Variants in ACTN4 observed in about 807,000 individuals in gnomAD.
The protein encoded by ACTN4 is alpha-actinin-4.
ACTN4 carries 18 observed loss-of-function variants against 114.2 expected under a neutral mutation model. The observed-to-expected ratio is 0.16, with a 90% CI of 0.11 to 0.23. The LOEUF is 0.23. Among genes scored for constraint, ACTN4 ranks in the 10% least tolerant of loss-of-function variants. The pLI, the probability that ACTN4 is intolerant of heterozygous loss-of-function variation, is 1.00. For missense variants in ACTN4, 722 were observed against 1,262.9 expected (o/e 0.57, Z 6.49); for synonymous variants, 515 against 506.3 (o/e 1.02, Z -0.23).
intron 1 of ACTN4, among the ~76,000 whole-genome samples, chr19:38,659,052 CTTCTT>C (rs1210660969): frequency 4.4e-5 from 4 of 90,634 alleles, no homozygotes; most frequent in East Asian, 3.0e-4. Context: ...ACTTTTTTTT[CTTCTT>C]TTCTTTTCTT....
chr19:38,712,437 G>A (rs1968687268), intron 8 of ACTN4, among the ~76,000 whole-genome samples: 1 of 152,158 alleles, frequency 6.6e-6, no homozygotes, highest in Non-Finnish European at 1.5e-5. Context: ...GATTGTTCTG[G>A]GCGTGAAACG....
At chr19:38,721,911 T>C in intron 12 of ACTN4, 1 of 675,404 alleles carries the variant, frequency 1.5e-6, no homozygotes, top group Non-Finnish European at 2.6e-6. Flanking sequence ...ATTTGGATTC[T>C]CTAGCAGGAG....
At chr19:38,650,712 A>G (rs1735618112) in intron 1 of ACTN4, among the ~76,000 whole-genome samples, 1 of 152,144 alleles carries the variant, frequency 6.6e-6, no homozygotes, top group South Asian at 2.1e-4. Context: ...ACTAAGAAAC[A>G]TCCCTGCACT....
chr19:38,677,899 G>A (rs1967430365), intron 1 of ACTN4, among the ~76,000 whole-genome samples: 1 of 152,052 alleles, frequency 6.6e-6, no homozygotes, highest in Non-Finnish European at 1.5e-5. Context: ...GCTAATTTTT[G>A]TATTTTTGGT....
chr19:38,706,363 C>G (rs1968459481), intron 5 of ACTN4, among the ~76,000 whole-genome samples: 1 of 152,216 alleles, frequency 6.6e-6, no homozygotes, highest in Non-Finnish European at 1.5e-5. Flanking sequence ...AGCCCTCTCG[C>G]CGGCCTAATA....
chr19:38,679,704 A>C (rs1427482331), intron 1 of ACTN4, among the ~76,000 whole-genome samples: 2 of 151,902 alleles, frequency 1.3e-5, no homozygotes, highest in Non-Finnish European at 2.9e-5. Flanking sequence ...TTTGTTGCCC[A>C]GGCTGGTCTC....
chr19:38,693,931 A>G (rs1438682430), intron 1 of ACTN4, among the ~76,000 whole-genome samples: 1 of 151,270 alleles, frequency 6.6e-6, no homozygotes, highest in East Asian at 1.9e-4. Flanking sequence ...CTGTTCTTCC[A>G]CCCCCCTTCC....
chr19:38,679,934 C>T (rs1218360284), intron 1 of ACTN4, among the ~76,000 whole-genome samples: 1 of 152,138 alleles, frequency 6.6e-6, no homozygotes, highest in Non-Finnish European at 1.5e-5. Flanking sequence ...TCCTCATCTC[C>T]TATGGCTAAA....
chr19:38,670,667 G>A lies in ACTN4; in HGVS notation c.162+22760G>A, dbSNP rs139423768. On this transcript the variant is annotated intron_variant, in intron 1 of 20. Coordinates refer to ENST00000252699, the MANE Select transcript of ACTN4 (RefSeq NM_004924.6). ...TGGCCGGGTACAGTGGCTCACGCCT[G>A]TAATCCCAGCACTTTGGGAGGCTGA... 6.9e-3 allele frequency among the ~76,000 whole-genome samples: 1,045 copies of A among 152,250 alleles called. 9 individuals are homozygous for A. The highest frequency in any genetic ancestry group is 0.021 in the African/African-American group (862 of 41,540).
chr19:38,726,215 GA>G (rs1969227316), intron 17 of ACTN4, among the ~76,000 whole-genome samples: 1 of 151,360 alleles, frequency 6.6e-6, no homozygotes, highest in African/African-American at 2.4e-5. Context: ...TTGAGCCAGG[GA>G]GGCAGAGGTT....
intron 1 of ACTN4, among the ~76,000 whole-genome samples, chr19:38,676,162 C>T (rs916615211): frequency 6.6e-6 from 1 of 152,164 alleles, no homozygotes; most frequent in Non-Finnish European, 1.5e-5. Context: ...AATCTTTATT[C>T]AACTAGGAAA....
At position 38,687,477 on chromosome 19, in the gene ACTN4, C is replaced by T. The variant is rs1041434346; in HGVS notation, c.163-13123C>T. On this transcript the variant is annotated intron_variant, in intron 1 of 20. Coordinates refer to ENST00000252699, the MANE Select transcript of ACTN4 (RefSeq NM_004924.6). ...TTTTAAAAAGCTCCCAGGTCCCATACATCTATTGTCAATTGATTTTCAACA... is the reference window on the plus strand; with the variant it reads ...TTTTAAAAAGCTCCCAGGTCCCATATATCTATTGTCAATTGATTTTCAACA... 2.6e-5 allele frequency among the ~76,000 whole-genome samples: 4 copies of T among 152,198 alleles called. No homozygotes were observed. The South Asian group carries it at 6.2e-4, about 24-fold the overall frequency.
chr19:38,721,927 T>C (rs1599853475), intron 12 of ACTN4: 1 of 625,222 alleles, frequency 1.6e-6, no homozygotes, highest in Admixed American at 2.4e-5. Context: ...AGGAGGGAGG[T>C]GTCTGGCCCC....
intron 8 of ACTN4, chr19:38,711,429 C>A: frequency 1.3e-6 from 1 of 794,258 alleles, no homozygotes; most frequent in Non-Finnish European, 1.5e-6. Flanking sequence ...CCTTGCATCA[C>A]CGCTGGCCAT....
At chr19:38,726,230 G>A (rs1290488861) in intron 17 of ACTN4, among the ~76,000 whole-genome samples, 2 of 151,158 alleles carry the variant, frequency 1.3e-5, no homozygotes, top group East Asian at 1.9e-4. Flanking sequence ...AGAGGTTGAG[G>A]TGAGCCGAGG....
At chr19:38,690,674 C>T (rs62121827) in intron 1 of ACTN4, among the ~76,000 whole-genome samples, 8,542 of 152,234 alleles carry the variant, frequency 0.056, 253 homozygotes, top group South Asian at 0.096. Context: ...CTCCTGACCT[C>T]GTGATCTGCC....
chr19:38,714,648 G>A, intron 9 of ACTN4, 87 bp downstream of exon 9: 2 of 1,394,604 alleles, frequency 1.4e-6, no homozygotes, highest in Non-Finnish European at 1.0e-6. Context: ...AAGCAGGTGT[G>A]GCAGCGAGAT....
In ACTN4 at chr19:38,673,744, TTTA is replaced by T. The variant is rs1967280151; in HGVS notation, c.162+25839_162+25841del. On this transcript the variant is annotated intron_variant, in intron 1 of 20. Coordinates refer to ENST00000252699, the MANE Select transcript of ACTN4 (RefSeq NM_004924.6). ...ATATATACTTATATATATTTATATA[TTTA>T]TATATATTTTTATATATATATATTT... Among the ~76,000 whole-genome samples, 2 of 97,476 alleles carry T rather than the reference TTTA, an allele frequency of 2.1e-5. 1 individual carries two copies. The highest frequency in any genetic ancestry group is 2.6e-4 in the Admixed American group (2 of 7,774). 63.9% of individuals were successfully genotyped at this position (97,476 alleles called of 152,430 possible).
At chr19:38,718,798 G>A (rs571189612) in intron 11 of ACTN4, among the ~76,000 whole-genome samples, 77 of 152,308 alleles carry the variant, frequency 5.1e-4, no homozygotes, top group African/African-American at 1.6e-3. Flanking sequence ...CCTGTGTTCA[G>A]AGTCGGCTTC....
Sources: gnomAD v4.1 joint callset for allele counts (sites outside exome capture counted in the v4.1 genomes callset) on GRCh38, gnomAD v4.1.1 for gene constraint, MANE v1.5 for transcripts, NCBI Gene and HGNC (gene_info 2026-07-23, HGNC 2026-07-21) for gene names.